The following DTD1 variants were observed in gnomAD, a reference collection of about 807,000 sequenced individuals.
DTD1 encodes D-tyrosyl-tRNA deacylase 1 homolog.
In DTD1, 13 loss-of-function variants were observed where a neutral mutation model predicts 25.6. That is an observed-to-expected ratio of 0.51 (90% CI 0.33 to 0.81). DTD1 has a LOEUF of 0.81. Ranked by LOEUF, DTD1 falls within the 30% of genes least tolerant of loss-of-function variation. DTD1 has a pLI of 0.02. For missense variants in DTD1, 193 were observed against 266.4 expected (o/e 0.72, Z 1.92); for synonymous variants, 110 against 103.6 (o/e 1.06, Z -0.37).
intron 4 of DTD1, among the ~76,000 whole-genome samples, chr20:18,723,624 A>G (rs900398869): frequency 2.6e-5 from 4 of 152,346 alleles, no homozygotes; most frequent in Middle Eastern, 3.4e-3. Flanking sequence ...TTGGTTTTGT[A>G]TGTATAATTC....
chr20:18,594,095 G>A (rs2060600981), intron 2 of DTD1, among the ~76,000 whole-genome samples: 1 of 152,072 alleles, frequency 6.6e-6, no homozygotes, highest in Non-Finnish European at 1.5e-5. Flanking sequence ...TTCTCTTAAC[G>A]CAAAAACCAA....
intron 4 of DTD1, among the ~76,000 whole-genome samples, chr20:18,651,461 A>G (rs1226262612): frequency 6.6e-6 from 1 of 152,200 alleles, no homozygotes; most frequent in Non-Finnish European, 1.5e-5. Context: ...AACAGCTGGT[A>G]GTTTTAAAAA....
intron 4 of DTD1, among the ~76,000 whole-genome samples, chr20:18,648,943 C>T (rs1373217224): frequency 8.2e-6 from 1 of 122,260 alleles, no homozygotes; most frequent in African/African-American, 3.1e-5. Flanking sequence ...TTGCAGTGAG[C>T]TGAGATCGCG....
chr20:18,712,480 T>C (rs968915871), intron 4 of DTD1, among the ~76,000 whole-genome samples: 1 of 152,066 alleles, frequency 6.6e-6, no homozygotes, highest in Non-Finnish European at 1.5e-5. Flanking sequence ...GCTCCCGCAG[T>C]GGTCTCTCTC....
intron 4 of DTD1, among the ~76,000 whole-genome samples, chr20:18,696,361 G>C (rs2122449627): frequency 6.6e-6 from 1 of 152,276 alleles, no homozygotes; most frequent in South Asian, 2.1e-4. Context: ...GACATCTGTA[G>C]TTTCCACGTC....
At chr20:18,601,679 G>A (rs562956190) in intron 3 of DTD1, among the ~76,000 whole-genome samples, 5 of 151,522 alleles carry the variant, frequency 3.3e-5, no homozygotes, top group Non-Finnish European at 5.9e-5. Flanking sequence ...CACCTCACAC[G>A]GCAGGGTATT....
intron 4 of DTD1, among the ~76,000 whole-genome samples, chr20:18,716,225 C>T (rs956472228): frequency 1.3e-5 from 2 of 152,304 alleles, no homozygotes; most frequent in East Asian, 3.9e-4. Context: ...CTTTGATATC[C>T]CAGAAGCATT....
chr20:18,676,504 C>T (rs1344229034), intron 4 of DTD1, among the ~76,000 whole-genome samples: 1 of 152,094 alleles, frequency 6.6e-6, no homozygotes, highest in Non-Finnish European at 1.5e-5. Flanking sequence ...CAAGTGGAAA[C>T]CCAAGCAGCC....
chr20:18,653,489 T>C (rs1003343752), intron 4 of DTD1, among the ~76,000 whole-genome samples: 1 of 152,206 alleles, frequency 6.6e-6, no homozygotes, highest in South Asian at 2.1e-4. Flanking sequence ...GATTTTTGAG[T>C]GTGAAATAAG....
At chr20:18,739,946 C>T (rs1361107979) in intron 4 of DTD1, among the ~76,000 whole-genome samples, 1 of 151,034 alleles carries the variant, frequency 6.6e-6, no homozygotes, top group Non-Finnish European at 1.5e-5. Flanking sequence ...GTCAGCATTA[C>T]ATCACTGGCA....
At chr20:18,660,026 A>C (rs2060903551) in intron 4 of DTD1, among the ~76,000 whole-genome samples, 1 of 151,938 alleles carries the variant, frequency 6.6e-6, no homozygotes, top group Non-Finnish European at 1.5e-5. Flanking sequence ...TGAGGTCAGA[A>C]GAGGAGTTTG....
chr20:18,716,622 T>A (rs1331052114), intron 4 of DTD1, among the ~76,000 whole-genome samples: 1 of 152,228 alleles, frequency 6.6e-6, no homozygotes, highest in African/African-American at 2.4e-5. Context: ...AATAGTAAGA[T>A]AGGCCAGCCT....
intron 4 of DTD1, among the ~76,000 whole-genome samples, chr20:18,636,196 A>G (rs1444456050): frequency 6.6e-6 from 1 of 152,222 alleles, no homozygotes; most frequent in Non-Finnish European, 1.5e-5. Flanking sequence ...GACCTGCCAA[A>G]GATTAACAGC....
intron 4 of DTD1, among the ~76,000 whole-genome samples, chr20:18,702,421 C>T (rs2061109099): frequency 6.6e-6 from 1 of 152,096 alleles, no homozygotes; most frequent in Non-Finnish European, 1.5e-5. Flanking sequence ...GTTGTTGAGT[C>T]CAGAATTAAC....
At chr20:18,708,871 C>T (rs1478709056) in intron 4 of DTD1, among the ~76,000 whole-genome samples, 4 of 152,142 alleles carry the variant, frequency 2.6e-5, no homozygotes, top group Non-Finnish European at 5.9e-5. Flanking sequence ...TACCTCCTGT[C>T]ATCTCCATCA....
At chr20:18,591,413 T>C (rs2060588904) in intron 1 of DTD1, among the ~76,000 whole-genome samples, 1 of 152,186 alleles carries the variant, frequency 6.6e-6, no homozygotes, top group Non-Finnish European at 1.5e-5. Flanking sequence ...TCCAGCAAGA[T>C]GGAATGGTTA....
intron 4 of DTD1, chr20:18,632,179 T>A (rs2060791112): frequency 1.0e-6 from 1 of 985,250 alleles, no homozygotes; most frequent in African/African-American, 1.7e-5. Flanking sequence ...AATCAAAAAA[T>A]CCTCAAGTAG....
intron 3 of DTD1, among the ~76,000 whole-genome samples, chr20:18,612,806 C>A (rs988609554): frequency 6.6e-6 from 1 of 152,076 alleles, no homozygotes; most frequent in African/African-American, 2.4e-5. Flanking sequence ...CTATAGGCGC[C>A]TGCCACCACA....
chr20:18,758,427 C>T (rs1418186670), intron 5 of DTD1, among the ~76,000 whole-genome samples: 2 of 152,128 alleles, frequency 1.3e-5, no homozygotes, highest in African/African-American at 4.8e-5. Flanking sequence ...AAATTTCCCT[C>T]TACACACTGC....
Sources: gnomAD v4.1 joint callset for allele counts (sites outside exome capture counted in the v4.1 genomes callset) on GRCh38, gnomAD v4.1.1 for gene constraint, MANE v1.5 for transcripts, NCBI Gene and HGNC (gene_info 2026-07-23, HGNC 2026-07-21) for gene names.